The following SNED1 variants were observed in gnomAD, a reference collection of about 807,000 sequenced individuals.
SNED1 encodes sushi, nidogen and EGF-like domain-containing protein 1.
SNED1 carries 81 observed loss-of-function variants against 166.7 expected under a neutral mutation model. The observed-to-expected ratio is 0.49, with a 90% CI of 0.41 to 0.58. The LOEUF is 0.58. Ranked by LOEUF, SNED1 falls within the 20% of genes least tolerant of loss-of-function variation. The pLI, the probability that SNED1 is intolerant of heterozygous loss-of-function variation, is 0.00. For missense variants in SNED1, 1,604 were observed against 2,000.2 expected (o/e 0.80, Z 3.78); for synonymous variants, 762 against 822.0 (o/e 0.93, Z 1.25).
At chr2:241,037,388 C>T in intron 6 of SNED1, 35 bp downstream of exon 6, 1 of 1,402,302 alleles carries the variant, frequency 7.1e-7, no homozygotes, top group Non-Finnish European at 1.0e-6. Context: ...CGGGGCCCTG[C>T]TGGGGGCAGG....
Position 241,081,726 on chromosome 2 carries a change from T to G in SNED1, c.3966T>G (p.Cys1322Trp). The G allele has an allele frequency of 6.2e-7, 1 of 1,609,942 alleles. No individual in the cohort carries two copies. Among genetic ancestry groups the G allele is most frequent in the Non-Finnish European group, 8.5e-7 (1 of 1,178,192 alleles). ...ACCCCTGTCAGAACGGAGGCACTTG[T>G]GTGCCGGGCGCAGACGCCCACAGCT... The part of the protein sequence containing the change: ...SENPCQNGGT[C>W]VPGADAHSCD... Residue 1322 changes from cysteine (C) to tryptophan (W), a missense_variant, in exon 28 of 32, where the codon TGT becomes TGG. Around this residue, in one of 2 missense-constraint regions of SNED1, gnomAD observed 367 missense variants for 379.4 expected, o/e 0.97. Coordinates refer to ENST00000310397, the MANE Select transcript of SNED1 (RefSeq NM_001080437.3).
In SNED1 at chr2:241,071,849, C is replaced by T. The variant is rs777017962; in HGVS notation, c.3788C>T (p.Ser1263Leu). ...RGRVSARFGG[S>L]PSKAATVRSQ... ...AGAGTGAGCGCCAGGTTCGGTGGCT[C>T]ACCCAGCAAAGCAGCCACCGTGAGA... The change falls in exon 26 of 32, where the codon TCA becomes TTA. Residue 1263 changes from serine (S) to leucine (L), a missense_variant. By Grantham distance (145) the Ser-to-Leu change is moderately radical. Coordinates refer to ENST00000310397, the MANE Select transcript of SNED1 (RefSeq NM_001080437.3). 1.2e-5 allele frequency: 19 copies of T among 1,605,490 alleles called. No individual in the cohort carries two copies. The highest frequency in any genetic ancestry group is 5.3e-5 in the African/African-American group (4 of 74,790).
At position 241,073,092 on chromosome 2, in the gene SNED1, C is replaced by T. The variant is rs943632660; in HGVS notation, c.3818-174C>T. 19 of 584,944 alleles carry T rather than the reference C, an allele frequency of 3.2e-5. No individual in the cohort carries two copies. Among genetic ancestry groups the T allele is most frequent in the Admixed American group, 5.9e-5 (2 of 33,732 alleles). The allele number at this position is 584,944 out of a possible 1,614,324, so 36.2% of individuals were successfully genotyped here. A position where few individuals can be genotyped will look rare whatever the true frequency, so the allele number is the denominator to read the frequency against. On this transcript the variant is annotated intron_variant, in intron 26 of 31. Transcript: ENST00000310397. This position sits in a 1 kb window ranked among gnomAD's most constrained non-coding sequence, Gnocchi z 6.6. ...AGGGTCAGCAGGAGGGTGAGGCCAG[C>T]CCTTCAGGGGAGGCAGCTCTGGGGC...
rs2061390126 is a variant in SNED1 at position 241,036,928 on chromosome 2, C to T, written c.931+13C>T. 1 of 1,604,818 alleles carries T rather than the reference C, an allele frequency of 6.2e-7. No homozygotes were observed. The highest frequency in any genetic ancestry group is 8.5e-7 in the Non-Finnish European group (1 of 1,176,826). ...AGGTGCCACCTGGGTGAGTGACTGG[C>T]CCAGGGCGGGACCACCCGCTGGCTG... On this transcript the variant is annotated intron_variant, in intron 5 of 31. Transcript: ENST00000310397.
Position 240,998,769 on chromosome 2 carries a change from C to A in SNED1, c.-69C>A. ...CACCCCGCCTGGCCCTGCCGGCCAC[C>A]CCCGCGCGCAGCCTAGTCCCCCAGC... On this transcript the variant is annotated 5_prime_UTR_variant, in exon 1 of 32. Transcript: ENST00000310397. The A allele has an allele frequency of 1.3e-6, 1 of 779,110 alleles. No individual in the cohort carries two copies. The highest frequency in any genetic ancestry group is 1.6e-6 in the Non-Finnish European group (1 of 631,010). 48.3% of individuals were successfully genotyped at this position (779,110 alleles called of 1,614,324 possible).
At position 241,037,352 on chromosome 2, in the gene SNED1, A is replaced by G. The variant is rs2061407262; in HGVS notation, c.1044A>G (p.Thr348=). ...GCTTTGGGGGACCCACCTGTGAGAC[A>G]GGTAAGAGGAACCCACCGGGGCCCA... ...PAGFGGPTCE[T]AQSPCDTKEC... The change falls in exon 6 of 32, where the codon ACA becomes ACG. Residue 348 remains threonine (T), a splice_region_variant and synonymous_variant. Transcript: ENST00000310397. The G allele has an allele frequency of 1.2e-6, 2 of 1,602,634 alleles. No individual in the cohort carries two copies. Among genetic ancestry groups the G allele is most frequent in the African/African-American group, 1.3e-5 (1 of 74,856 alleles).
intron 6 of SNED1, among the ~76,000 whole-genome samples, chr2:241,038,069 A>ACT (rs2061426908): frequency 6.9e-6 from 1 of 145,718 alleles, no homozygotes. Flanking sequence ...AGAAAGGTGG[A>ACT]CCCCCCCCCA....
intron 21 of SNED1, among the ~76,000 whole-genome samples, chr2:241,067,120 C>T (rs1019603187): frequency 8.5e-5 from 13 of 152,300 alleles, no homozygotes; most frequent in African/African-American, 2.6e-4. Context: ...AGACAGAGCC[C>T]GCCCTGCCCG....
chr2:241,084,312 T>C (rs1293112211), intron 29 of SNED1, among the ~76,000 whole-genome samples: 1 of 151,962 alleles, frequency 6.6e-6, no homozygotes, highest in Non-Finnish European at 1.5e-5. Context: ...AATTTTTGTA[T>C]TTTTAGTAGA....
At position 241,080,293 on chromosome 2, in the gene SNED1, A is replaced by AAAT. The variant is rs374864684; in HGVS notation, c.3917-1381_3917-1379dup. On this transcript the variant is annotated intron_variant, in intron 27 of 31. Coordinates refer to ENST00000310397, the MANE Select transcript of SNED1 (RefSeq NM_001080437.3). ...AGCAAGACTCCATCTCAAAATAAAT[A>AAAT]AATAAAATCTTGTTTGTCTTTTGAT... Among the ~76,000 whole-genome samples, 1,467 of 152,302 alleles carry AAAT rather than the reference A, an allele frequency of 9.6e-3. 20 individuals are homozygous for AAAT. Among genetic ancestry groups the AAAT allele is most frequent in the African/African-American group, 0.033 (1,355 of 41,548 alleles).
chr2:241,022,710 C>T (rs564561947), intron 1 of SNED1, among the ~76,000 whole-genome samples: 41 of 152,316 alleles, frequency 2.7e-4, no homozygotes, highest in South Asian at 2.5e-3. Flanking sequence ...CTATGGTGGC[C>T]TTTGTCCTTC....
chr2:241,053,649 A>G (rs2061949353), intron 16 of SNED1, among the ~76,000 whole-genome samples: 1 of 152,220 alleles, frequency 6.6e-6, no homozygotes. Context: ...AGAGTCCTAA[A>G]GAGCCAGATA....
intron 1 of SNED1, among the ~76,000 whole-genome samples, chr2:241,002,392 A>T (rs1477388975): frequency 3.3e-5 from 5 of 152,170 alleles, no homozygotes; most frequent in Admixed American, 3.3e-4. Flanking sequence ...CTTGGCTGGG[A>T]GGAGGGTCCT....
intron 29 of SNED1, among the ~76,000 whole-genome samples, chr2:241,082,693 CTCT>C (rs2063386509): frequency 6.6e-6 from 1 of 152,232 alleles, no homozygotes; most frequent in Non-Finnish European, 1.5e-5. Flanking sequence ...TTCCTCTCTT[CTCT>C]TCCTCAGAGC....
At position 240,999,072 on chromosome 2, in the gene SNED1, G is replaced by A. The variant is rs2106512833; in HGVS notation, c.213+22G>A. 3 of 1,251,674 alleles carry A rather than the reference G, an allele frequency of 2.4e-6. No homozygotes were observed. The highest frequency in any genetic ancestry group is 3.5e-5 in the East Asian group (1 of 28,946). 77.5% of individuals were successfully genotyped at this position (1,251,674 alleles called of 1,614,324 possible). On this transcript the variant is annotated intron_variant, in intron 1 of 31. Transcript: ENST00000310397. This position sits in a 1 kb window ranked among gnomAD's most constrained non-coding sequence, Gnocchi z 5.8. Reference sequence around the variant, plus strand: ...CTACGTGAGTAACCCCCGGGCTCGCGGGGCGCCCGGGAGGGGAGGGAGCTG... The same window carrying A: ...CTACGTGAGTAACCCCCGGGCTCGCAGGGCGCCCGGGAGGGGAGGGAGCTG...
chr2:241,078,641 A>C (rs1326386382), intron 27 of SNED1, among the ~76,000 whole-genome samples: 1 of 151,702 alleles, frequency 6.6e-6, no homozygotes, highest in Non-Finnish European at 1.5e-5. Context: ...TGGAGGGTGG[A>C]GGGGATGGGG....
At chr2:241,000,664 C>T (rs2060051684) in intron 1 of SNED1, among the ~76,000 whole-genome samples, 1 of 152,212 alleles carries the variant, frequency 6.6e-6, no homozygotes, top group Non-Finnish European at 1.5e-5. Context: ...CTGCCCTTGC[C>T]AGAGCAACTA....
At chr2:241,042,162 C>A (rs2061538743) in intron 8 of SNED1, among the ~76,000 whole-genome samples, 1 of 152,134 alleles carries the variant, frequency 6.6e-6, no homozygotes, top group South Asian at 2.1e-4. Context: ...AGCATGAGAT[C>A]AAGAGGAGAC....
intron 30 of SNED1, 117 bp downstream of exon 30, chr2:241,087,592 G>A (rs941834788): frequency 2.8e-5 from 40 of 1,451,472 alleles, no homozygotes; most frequent in African/African-American, 1.2e-4. Context: ...CGGTCTACTC[G>A]CCCAGATAGG....
Sources: gnomAD v4.1 joint callset for allele counts (sites outside exome capture counted in the v4.1 genomes callset) on GRCh38, gnomAD v4.1.1 for gene constraint, gnomAD v4.1.1 regional missense constraint, Gnocchi (gnomAD v3.1) non-coding constraint, MANE v1.5 for transcripts, NCBI Gene and HGNC (gene_info 2026-07-23, HGNC 2026-07-21) for gene names.